Variants in FOXK1 observed in about 807,000 individuals in gnomAD.
FOXK1 encodes forkhead box protein K1.
In FOXK1, 19 loss-of-function variants were observed where a neutral mutation model predicts 51.9. That is an observed-to-expected ratio of 0.37 (90% CI 0.26 to 0.54). The LOEUF (loss-of-function observed/expected upper bound fraction) is 0.54. Among genes scored for constraint, FOXK1 ranks in the 20% least tolerant of loss-of-function variants. FOXK1 has a pLI of 0.87. For synonymous variants in FOXK1, 537 were observed against 482.6 expected, an observed-to-expected ratio of 1.11 and a Z score of -1.48; for missense variants, 870 against 1,032.7, an observed-to-expected ratio of 0.84 and a Z score of 2.16.
At chr7:4,718,695 C>G (rs1780269382) in intron 1 of FOXK1, among the ~76,000 whole-genome samples, 1 of 152,200 alleles carries the variant, frequency 6.6e-6, no homozygotes. Context: ...GAGTGGCTGC[C>G]ATATTTTACC....
At chr7:4,688,374 G>C (rs1035490941) in intron 1 of FOXK1, among the ~76,000 whole-genome samples, 1 of 150,532 alleles carries the variant, frequency 6.6e-6, no homozygotes, top group African/African-American at 2.4e-5. Context: ...TGTCGGCATG[G>C]TTGTTTTTTC....
rs537202714 is a variant in FOXK1 at position 4,728,101 on chromosome 7, A to T, written c.561-12737A>T. Among the ~76,000 whole-genome samples, 579 of 152,230 alleles carry T rather than the reference A, an allele frequency of 3.8e-3. 4 individuals are homozygous for T. The highest frequency in any genetic ancestry group is 6.2e-3 in the Non-Finnish European group (423 of 68,002). On this transcript the variant is annotated intron_variant, in intron 1 of 8. Coordinates refer to ENST00000328914, the MANE Select transcript of FOXK1 (RefSeq NM_001037165.2). The stretch of plus-strand genomic sequence containing the variant: ...AACCAGGGGACTGCCCTGGCCCTGG[A>T]TGGCAGCCGGGACCGGCTCACAAGC...
At chr7:4,741,902 A>G (rs1255432089) in intron 2 of FOXK1, among the ~76,000 whole-genome samples, 2 of 152,248 alleles carry the variant, frequency 1.3e-5, no homozygotes, top group Non-Finnish European at 2.9e-5. Flanking sequence ...GATGCATGGC[A>G]CACAGCCCTG....
At position 4,762,510 on chromosome 7, in the gene FOXK1, C is replaced by T. The variant is rs776449631; in HGVS notation, c.*46C>T. 21 of 1,504,054 alleles carry T rather than the reference C, an allele frequency of 1.4e-5. No individual in the cohort carries two copies. Among genetic ancestry groups the T allele is most frequent in the Middle Eastern group, 2.4e-4 (1 of 4,198 alleles). The allele number at this position is 1,504,054 out of a possible 1,614,324, so 93.2% of individuals were successfully genotyped here. Reference sequence around the variant, plus strand: ...AGTGGGACTCACCCAGCGGCGACCCCGAAGCTGGACCCGGCAGCTCAGGCG... The same window carrying T: ...AGTGGGACTCACCCAGCGGCGACCCTGAAGCTGGACCCGGCAGCTCAGGCG... On this transcript the variant is annotated 3_prime_UTR_variant, in exon 9 of 9. Transcript: ENST00000328914. The surrounding 1 kb of genome is among the most constrained non-coding windows in gnomAD (Gnocchi z 5.7).
Position 4,722,274 on chromosome 7 carries a change from C to T in FOXK1, c.561-18564C>T, listed in dbSNP as rs200328295. ...CTTTGCATTCTCTGCCTTTCCCGAG[C>T]GTCCCTGCCTCAGATTCCAAAATCT... On this transcript the variant is annotated intron_variant, in intron 1 of 8. Transcript: ENST00000328914. The surrounding 1 kb of genome is among the most constrained non-coding windows in gnomAD (Gnocchi z 5.1). Among the ~76,000 whole-genome samples, 4 of 132,810 alleles carry T rather than the reference C, an allele frequency of 3.0e-5. No homozygotes were observed. The highest frequency in any genetic ancestry group is 7.4e-5 in the Non-Finnish European group (4 of 54,352). 87.1% of individuals were successfully genotyped at this position (132,810 alleles called of 152,430 possible). A position where few individuals can be genotyped will look rare whatever the true frequency, so the allele number is the denominator to read the frequency against.
At position 4,682,424 on chromosome 7, in the gene FOXK1, C is replaced by A; in HGVS notation, c.116C>A (p.Pro39His). The A allele has an allele frequency of 2.0e-6, 2 of 981,074 alleles. No individual in the cohort carries two copies. Among genetic ancestry groups the A allele is most frequent in the South Asian group, 9.0e-5 (2 of 22,114 alleles). The allele number at this position is 981,074 out of a possible 1,614,324, so 60.8% of individuals were successfully genotyped here. A position where few individuals can be genotyped will look rare whatever the true frequency, so the allele number is the denominator to read the frequency against. The change falls in exon 1 of 9, where the codon CCC becomes CAC. Residue 39 changes from proline to histidine, a missense_variant. Coordinates refer to ENST00000328914, the MANE Select transcript of FOXK1 (RefSeq NM_001037165.2). This position sits in a 1 kb window ranked among gnomAD's most constrained non-coding sequence, Gnocchi z 7.6. ...AAAAAFPAAA[P>H]PPAPAQPQPP... ...GCCGCCGCCTTCCCCGCGGCCGCAC[C>A]CCCGCCGGCCCCCGCGCAGCCCCAG...
At chr7:4,712,157 C>T (rs934434086) in intron 1 of FOXK1, among the ~76,000 whole-genome samples, 2 of 151,848 alleles carry the variant, frequency 1.3e-5, no homozygotes, top group African/African-American at 2.4e-5. Context: ...AGATGAAATC[C>T]AAGCATCGTT....
Position 4,703,502 on chromosome 7 carries a change from C to T in FOXK1, c.560+20634C>T, listed in dbSNP as rs1013950740. ...CCCACAAGGCTCCCCCAGGGTGGCC[C>T]GACCCTGCTGCGCGGGAGGGAAAGA... On this transcript the variant is annotated intron_variant, in intron 1 of 8. Transcript: ENST00000328914. This position sits in a 1 kb window ranked among gnomAD's most constrained non-coding sequence, Gnocchi z 5.6. Among the ~76,000 whole-genome samples the T allele has an allele frequency of 6.6e-6, 1 of 152,190 alleles. No homozygotes were observed. The highest frequency in any genetic ancestry group is 1.5e-5 in the Non-Finnish European group (1 of 68,032).
rs1780164993 is a variant in FOXK1 at position 4,710,831 on chromosome 7, C to T, written c.560+27963C>T. ...CTCAGCTGGAGCCACCAGTTCCCAC[C>T]ACTGAGAATTACAGCCATTCCACGT... On this transcript the variant is annotated intron_variant, in intron 1 of 8. Transcript: ENST00000328914. Among the ~76,000 whole-genome samples, 2 of 152,292 alleles carry T rather than the reference C, an allele frequency of 1.3e-5. 1 individual carries two copies.
rs1454948973 is a variant in FOXK1, at chr7:4,743,553, GTAAA to G, written c.746+2540_746+2543del. On this transcript the variant is annotated intron_variant, in intron 2 of 8. Coordinates refer to ENST00000328914, the MANE Select transcript of FOXK1 (RefSeq NM_001037165.2). The surrounding 1 kb of genome is among the most constrained non-coding windows in gnomAD (Gnocchi z 5.3). The stretch of plus-strand genomic sequence containing the variant: ...CGATAGAGCGAGACTCCATTTCTCA[GTAAA>G]TAAATAAATGGTGAATTTTATGTTA... Among the ~76,000 whole-genome samples, 5 of 152,186 alleles carry G rather than the reference GTAAA, an allele frequency of 3.3e-5. No individual in the cohort carries two copies. The highest frequency in any genetic ancestry group is 1.2e-4 in the African/African-American group (5 of 41,450).
chr7:4,721,589 C>CTTTTTTTTTTTTTTTTTTTTT (rs200132324), intron 1 of FOXK1, among the ~76,000 whole-genome samples: 41 of 112,642 alleles, frequency 3.6e-4, no homozygotes, highest in African/African-American at 5.5e-4. Flanking sequence ...TCTTTTTTTT[C>CTTTTTTTTTTTTTTTTTTTTT]TTTTTTTTTT....
At chr7:4,714,429 C>T (rs1780209943) in intron 1 of FOXK1, among the ~76,000 whole-genome samples, 1 of 152,128 alleles carries the variant, frequency 6.6e-6, no homozygotes, top group African/African-American at 2.4e-5. Context: ...CAGGCGTGTG[C>T]CCCCATGCCC....
chr7:4,684,424 A>G (rs1178904080), intron 1 of FOXK1, among the ~76,000 whole-genome samples: 1 of 152,204 alleles, frequency 6.6e-6, no homozygotes, highest in Admixed American at 6.5e-5. Flanking sequence ...TTAAAATGCA[A>G]CATCAACAAT....
rs2115056313 is a variant in FOXK1, at chr7:4,733,238, A to C, written c.561-7600A>C. 6.6e-6 allele frequency among the ~76,000 whole-genome samples: 1 copy of C among 151,104 alleles called. No individual in the cohort carries two copies. Among genetic ancestry groups the C allele is most frequent in the African/African-American group, 2.4e-5 (1 of 41,050 alleles). On this transcript the variant is annotated intron_variant, in intron 1 of 8. Transcript: ENST00000328914. This position sits in a 1 kb window ranked among gnomAD's most constrained non-coding sequence, Gnocchi z 5.0. ...AAGCTGGGTTCTTGCTGTGTTGCCC[A>C]GGCTGGTTTCAAACTCCTGGGCTCA...
chr7:4,710,952 T>C (rs574283232), intron 1 of FOXK1, among the ~76,000 whole-genome samples: 1 of 152,324 alleles, frequency 6.6e-6, no homozygotes, highest in Admixed American at 6.5e-5. Context: ...TCTGTCCGCA[T>C]TACCTGTCGA....
Position 4,735,400 on chromosome 7 carries a change from C to T in FOXK1, c.561-5438C>T, listed in dbSNP as rs935965570. Among the ~76,000 whole-genome samples, 1 of 152,172 alleles carries T rather than the reference C, an allele frequency of 6.6e-6. No individual in the cohort carries two copies. Among genetic ancestry groups the T allele is most frequent in the African/African-American group, 2.4e-5 (1 of 41,440 alleles). On this transcript the variant is annotated intron_variant, in intron 1 of 8. Coordinates refer to ENST00000328914, the MANE Select transcript of FOXK1 (RefSeq NM_001037165.2). The surrounding 1 kb of genome is among the most constrained non-coding windows in gnomAD (Gnocchi z 4.7). ...TTACAACTAACCCTTTCCATTGTTC[C>T]AGTCCGTGGTTTTCAGCGCATTCGC...
Position 4,761,003 on chromosome 7 carries a change from G to C in FOXK1, c.1697-61G>C. 6.6e-7 allele frequency: 1 copy of C among 1,518,122 alleles called. No individual in the cohort carries two copies. Among genetic ancestry groups the C allele is most frequent in the Non-Finnish European group, 9.1e-7 (1 of 1,099,100 alleles). The allele number at this position is 1,518,122 out of a possible 1,614,324, so 94.0% of individuals were successfully genotyped here. A position where few individuals can be genotyped will look rare whatever the true frequency, so the allele number is the denominator to read the frequency against. On this transcript the variant is annotated intron_variant, in intron 7 of 8. Transcript: ENST00000328914. This position sits in a 1 kb window ranked among gnomAD's most constrained non-coding sequence, Gnocchi z 6.2. Reference sequence around the variant, plus strand: ...CACTTGTCCGACCTGCTGCCCAGGCGTCGAGGAAATCGATTGTCTCGTTGG... The same window carrying C: ...CACTTGTCCGACCTGCTGCCCAGGCCTCGAGGAAATCGATTGTCTCGTTGG...
rs534865006 is a variant in FOXK1, at chr7:4,739,302, A to T, written c.561-1536A>T. 1.1e-4 allele frequency among the ~76,000 whole-genome samples: 17 copies of T among 152,248 alleles called. No homozygotes were observed. The South Asian group carries it at 3.5e-3, about 32-fold the overall frequency. ...CGGTGGCTTATGTACATTCTTTCTT[A>T]ACCCCCTCCTACAATTTTAAACAAG... On this transcript the variant is annotated intron_variant, in intron 1 of 8. Transcript: ENST00000328914.
chr7:4,693,064 T>A (rs1166610503), intron 1 of FOXK1, among the ~76,000 whole-genome samples: 2 of 152,224 alleles, frequency 1.3e-5, no homozygotes, highest in African/African-American at 4.8e-5. Context: ...TGTTTTATAC[T>A]GTGTTACGTT....
Sources: allele counts gnomAD v4.1 joint callset (sites outside exome capture counted in the v4.1 genomes callset), GRCh38; gene constraint gnomAD v4.1.1; non-coding constraint Gnocchi (gnomAD v3.1); transcripts MANE v1.5; gene names NCBI Gene and HGNC (gene_info 2026-07-23, HGNC 2026-07-21).